Variants in EFR3B observed in about 807,000 individuals in gnomAD.
EFR3B encodes EFR3 homolog B.
Under a neutral mutation model 104.7 loss-of-function variants are expected in EFR3B, and 64 were observed. That is an observed-to-expected ratio of 0.61 (90% CI 0.50 to 0.75). EFR3B has a LOEUF of 0.75. Among genes scored for constraint, EFR3B ranks in the 30% least tolerant of loss-of-function variants. The probability of loss-of-function intolerance (pLI) is 0.00; values close to 1 mark genes in which losing one functional copy is unlikely to be tolerated. For missense variants in EFR3B, 750 were observed against 1,078.5 expected (o/e 0.70, Z 4.27); for synonymous variants, 385 against 417.9 (o/e 0.92, Z 0.96).
chr2:25,143,801 C>G lies in EFR3B; in HGVS notation c.1989C>G (p.Val663=). 1 of 1,551,662 alleles carries G rather than the reference C, an allele frequency of 6.4e-7. No individual in the cohort carries two copies. Among genetic ancestry groups the G allele is most frequent in the South Asian group, 1.2e-5 (1 of 84,048 alleles). Reference sequence around the variant, plus strand: ...TCCGCCAGAGCAAGATCAGTGAAGTCCTGGGAGGCAGTGGCTACAACTCGG... The same window carrying G: ...TCCGCCAGAGCAAGATCAGTGAAGTGCTGGGAGGCAGTGGCTACAACTCGG... The part of the protein sequence containing the change: ...LLFRQSKISE[V]LGGSGYNSDR... Residue 663 remains valine, a synonymous_variant, in exon 18 of 23, where the codon GTC becomes GTG. Coordinates refer to ENST00000403714, the MANE Select transcript of EFR3B (RefSeq NM_014971.2).
At position 25,155,419 on chromosome 2, in the gene EFR3B, TCAG is replaced by T. The variant is rs955579293; in HGVS notation, c.*1082_*1084del. 42 of 152,356 alleles carry T rather than the reference TCAG, an allele frequency of 2.8e-4. No individual in the cohort carries two copies. The highest frequency in any genetic ancestry group is 8.4e-4 in the African/African-American group (35 of 41,580). 9.4% of individuals were successfully genotyped at this position (152,356 alleles called of 1,614,324 possible). ...CACTCTCTGGACAAAGTCTGGGACA[TCAG>T]CACCACCTGGCAACGCTTGTGGCTT... On this transcript the variant is annotated 3_prime_UTR_variant, in exon 23 of 23. Coordinates refer to ENST00000403714, the MANE Select transcript of EFR3B (RefSeq NM_014971.2).
intron 16 of EFR3B, among the ~76,000 whole-genome samples, 155 bp from the exon 17 acceptor site, chr2:25,141,211 A>T (rs997927938): frequency 6.6e-6 from 1 of 152,160 alleles, no homozygotes; most frequent in African/African-American, 2.4e-5. Flanking sequence ...GTCCCTGTTG[A>T]TGCGAGTTTC....
At chr2:25,119,433 A>C (rs1375299490) in intron 4 of EFR3B, among the ~76,000 whole-genome samples, 1 of 152,242 alleles carries the variant, frequency 6.6e-6, no homozygotes, top group Non-Finnish European at 1.5e-5. Context: ...ACTTAACTTC[A>C]GCCAAACGTG....
In EFR3B at chr2:25,156,422, T is replaced by G. The variant is rs1184517986; in HGVS notation, c.*2082T>G. On this transcript the variant is annotated 3_prime_UTR_variant, in exon 23 of 23. Coordinates refer to ENST00000403714, the MANE Select transcript of EFR3B (RefSeq NM_014971.2). ...AAGTGATTCTCCTGCCTCAGCCTCCTGAGTAGCTGGGATTACAGGCGTGCA... is the reference window on the plus strand; with the variant it reads ...AAGTGATTCTCCTGCCTCAGCCTCCGGAGTAGCTGGGATTACAGGCGTGCA... The G allele has an allele frequency of 6.7e-6, 1 of 148,844 alleles. No homozygotes were observed. The highest frequency in any genetic ancestry group is 2.1e-4 in the East Asian group (1 of 4,788). The allele number at this position is 148,844 out of a possible 1,614,324, so 9.2% of individuals were successfully genotyped here.
At position 25,154,098 on chromosome 2, in the gene EFR3B, G is replaced by A. The variant is rs1365826736; in HGVS notation, c.2349-137G>A. 4.0e-6 allele frequency: 3 copies of A among 747,242 alleles called. No homozygotes were observed. The highest frequency in any genetic ancestry group is 6.5e-6 in the Non-Finnish European group (3 of 459,282). The allele number at this position is 747,242 out of a possible 1,614,324, so 46.3% of individuals were successfully genotyped here. ...AGATTCTAGTAGAACGTGGAATCCTGGGAACCTGTGGAATGAAGGGGTCTC... is the reference window on the plus strand; with the variant it reads ...AGATTCTAGTAGAACGTGGAATCCTAGGAACCTGTGGAATGAAGGGGTCTC... On this transcript the variant is annotated intron_variant, in intron 22 of 22. Coordinates refer to ENST00000403714, the MANE Select transcript of EFR3B (RefSeq NM_014971.2). The surrounding 1 kb of genome is among the most constrained non-coding windows in gnomAD (Gnocchi z 4.1).
At chr2:25,046,064 G>A (rs1667707515) in intron 1 of EFR3B, among the ~76,000 whole-genome samples, 1 of 152,174 alleles carries the variant, frequency 6.6e-6, no homozygotes, top group Non-Finnish European at 1.5e-5. Context: ...AATGCTGACT[G>A]TAAATAGCGA....
In EFR3B at chr2:25,091,378, A is replaced by G; in HGVS notation, c.61A>G (p.Asn21Asp). 1.9e-6 allele frequency: 3 copies of G among 1,550,264 alleles called. No homozygotes were observed. The highest frequency in any genetic ancestry group is 2.6e-6 in the Non-Finnish European group (3 of 1,146,416). Residue 21 changes from asparagine to aspartate, a missense_variant, in exon 2 of 23, where the codon AAC (asparagine) becomes GAC (aspartate). Physicochemically the swap from Asn to Asp is conservative, Grantham distance 23. Transcript: ENST00000403714. Reference protein sequence around the residue: ...LRPRYKRLVDNIFPEDPEDGL... With the variant: ...LRPRYKRLVDDIFPEDPEDGL... ...CCCCAGGTACAAAAGGCTGGTTGAC[A>G]ACATCTTCCCTGAGGATCCCGAGGT...
At position 25,071,495 on chromosome 2, in the gene EFR3B, G is replaced by A. The variant is rs185516891; in HGVS notation, c.8-19830G>A. 9.3e-4 allele frequency among the ~76,000 whole-genome samples: 141 copies of A among 151,964 alleles called. 2 individuals carry two copies. In the East Asian group the frequency reaches 0.024, roughly 26 times the overall value. On this transcript the variant is annotated intron_variant, in intron 1 of 22. Coordinates refer to ENST00000403714, the MANE Select transcript of EFR3B (RefSeq NM_014971.2). Reference sequence around the variant, plus strand: ...AGGCCGGTCTTGAACTCCTGACCTCGCGATCCACCCGCCTCGGCCTCCCAA... The same window carrying A: ...AGGCCGGTCTTGAACTCCTGACCTCACGATCCACCCGCCTCGGCCTCCCAA...
At chr2:25,129,653 C>T (rs1670274966) in intron 6 of EFR3B, among the ~76,000 whole-genome samples, 1 of 152,136 alleles carries the variant, frequency 6.6e-6, no homozygotes, top group African/African-American at 2.4e-5. Flanking sequence ...GTCTTAGGTG[C>T]ATCAAGACAC....
chr2:25,092,076 CTT>C (rs1039220628), intron 2 of EFR3B, among the ~76,000 whole-genome samples: 1 of 144,522 alleles, frequency 6.9e-6, no homozygotes. Flanking sequence ...TTTGGGGTGG[CTT>C]TTTTTTTTTG....
rs372752080 is a variant in EFR3B, at chr2:25,103,706, C to G, written c.282C>G (p.Leu94=). ...CCTGCCACTGCCAGAGCATCAACCT[C>G]TTCGTGGAGAGCTTCCTCAAGATGG... ...LMACHCQSIN[L]FVESFLKMVA... is the part of the protein sequence containing the mutation. Residue 94 remains leucine, a synonymous_variant, in exon 4 of 23, where the codon CTC becomes CTG. Coordinates refer to ENST00000403714, the MANE Select transcript of EFR3B (RefSeq NM_014971.2). The G allele has an allele frequency of 8.9e-5, 138 of 1,551,718 alleles. No homozygotes were observed. In the African/African-American group the frequency reaches 1.8e-3, roughly 20 times the overall value.
At chr2:25,067,433 T>TTTTTTTG (rs1553386217) in intron 1 of EFR3B, among the ~76,000 whole-genome samples, 1 of 151,538 alleles carries the variant, frequency 6.6e-6, no homozygotes, top group Non-Finnish European at 1.5e-5. Flanking sequence ...TTTGTTTTTT[T>TTTTTTTG]TTTTTTGTTT....
In EFR3B at chr2:25,137,591, C is replaced by T; in HGVS notation, c.1722+89C>T. 1 of 1,499,968 alleles carries T rather than the reference C, an allele frequency of 6.7e-7. No homozygotes were observed. 92.9% of individuals were successfully genotyped at this position (1,499,968 alleles called of 1,614,324 possible). ...CCCTGATAAGAGTATTGACTAGCAA[C>T]TGCTTAACACTGTTTTGGAGCCCAG... On this transcript the variant is annotated intron_variant, in intron 15 of 22. Transcript: ENST00000403714. The surrounding 1 kb of genome is among the most constrained non-coding windows in gnomAD (Gnocchi z 4.7).
At chr2:25,089,383 C>G (rs556667222) in intron 1 of EFR3B, among the ~76,000 whole-genome samples, 1 of 152,310 alleles carries the variant, frequency 6.6e-6, no homozygotes, top group African/African-American at 2.4e-5. Context: ...CTCACAGGCC[C>G]TTCAGAAAGT....
chr2:25,067,739 G>T (rs962307458), intron 1 of EFR3B, among the ~76,000 whole-genome samples: 1 of 152,124 alleles, frequency 6.6e-6, no homozygotes, highest in Admixed American at 6.6e-5. Context: ...GGTGCTCAGA[G>T]CTCTGCTTCA....
At chr2:25,110,709 G>C (rs143095024) in intron 4 of EFR3B, among the ~76,000 whole-genome samples, 1 of 152,124 alleles carries the variant, frequency 6.6e-6, no homozygotes, top group African/African-American at 2.4e-5. Context: ...AAAAAATTAC[G>C]TTCTCCTGCA....
rs1573187950 is a variant in EFR3B at position 25,081,286 on chromosome 2, C to T, written c.8-10039C>T. 3 of 1,021,166 alleles carry T rather than the reference C, an allele frequency of 2.9e-6. No individual in the cohort carries two copies. The East Asian group carries it at 7.1e-5, about 24-fold the overall frequency. The allele number at this position is 1,021,166 out of a possible 1,614,324, so 63.3% of individuals were successfully genotyped here. A position where few individuals can be genotyped will look rare whatever the true frequency, so the allele number is the denominator to read the frequency against. ...CTTTCAAATGTTCCTTTTCCTCGAC[C>T]ATCAGCTGAAACCTGCGCCTTCATC... On this transcript the variant is annotated intron_variant, in intron 1 of 22. Transcript: ENST00000403714.
chr2:25,101,359 T>C (rs6545927), intron 3 of EFR3B, among the ~76,000 whole-genome samples: 21,254 of 152,138 alleles, frequency 0.14, 3,128 homozygotes, highest in African/African-American at 0.36. Context: ...TATATGTTTG[T>C]TTATTTTTGA....
chr2:25,133,582 T>G (rs1010998909), intron 12 of EFR3B, 148 bp downstream of exon 12: 48 of 874,730 alleles, frequency 5.5e-5, no homozygotes, highest in Non-Finnish European at 7.1e-5. Context: ...AAATCTAGCC[T>G]ACGTTCCACT....
Sources: allele counts gnomAD v4.1 joint callset (sites outside exome capture counted in the v4.1 genomes callset), GRCh38; gene constraint gnomAD v4.1.1; non-coding constraint Gnocchi (gnomAD v3.1); transcripts MANE v1.5; gene names NCBI Gene and HGNC (gene_info 2026-07-23, HGNC 2026-07-21).